The following NAALADL2 variants were observed in gnomAD, a reference collection of about 807,000 sequenced individuals.
The protein encoded by NAALADL2 is inactive N-acetylated-alpha-linked acidic dipeptidase-like protein 2.
A neutral mutation model predicts 87.2 loss-of-function variants in NAALADL2; 76 were observed. The ratio of observed to expected loss-of-function variants is 0.87; its 90% CI spans 0.72 to 1.05. The LOEUF (loss-of-function observed/expected upper bound fraction) is 1.05. Ranked by LOEUF, NAALADL2 falls within the 50% of genes least tolerant of loss-of-function variation. The probability of loss-of-function intolerance (pLI) is 0.00; values close to 1 mark genes in which losing one functional copy is unlikely to be tolerated. For missense variants in NAALADL2, 1,089 were observed against 945.8 expected (o/e 1.15, Z -1.99); for synonymous variants, 354 against 331.0 (o/e 1.07, Z -0.75).
intron 2 of NAALADL2, among the ~76,000 whole-genome samples, chr3:175,126,152 T>A (rs1312206885): frequency 6.6e-6 from 1 of 151,924 alleles, no homozygotes. Flanking sequence ...ACAAGAATAG[T>A]TTCTGGGGGG....
intron 4 of NAALADL2, among the ~76,000 whole-genome samples, chr3:175,292,593 TACACACACACAC>T (rs71164627): frequency 3.4e-5 from 5 of 145,268 alleles, no homozygotes; most frequent in Non-Finnish European, 6.0e-5. Flanking sequence ...TGAGTTGGGA[TACACACACACAC>T]ACACACACAC....
intron 11 of NAALADL2, among the ~76,000 whole-genome samples, chr3:175,629,804 T>C (rs1727509061): frequency 6.6e-6 from 1 of 151,792 alleles, no homozygotes; most frequent in Admixed American, 6.6e-5. Flanking sequence ...CCCGAACATA[T>C]GCAATTGTTC....
At chr3:175,058,172 A>C (rs1194713523) in intron 1 of NAALADL2, among the ~76,000 whole-genome samples, 3 of 152,230 alleles carry the variant, frequency 2.0e-5, no homozygotes, top group Non-Finnish European at 2.9e-5. Flanking sequence ...CAATTTTCTA[A>C]CCATTGTTAG....
At chr3:174,817,526 C>T (rs916622428) in intron 3 of NAALADL2, among the ~76,000 whole-genome samples, 2 of 152,066 alleles carry the variant, frequency 1.3e-5, no homozygotes, top group Non-Finnish European at 2.9e-5. Flanking sequence ...CACTTGAGCA[C>T]GGGAGTTCCA....
At chr3:175,177,501 G>T (rs1001944588) in intron 2 of NAALADL2, among the ~76,000 whole-genome samples, 2 of 152,052 alleles carry the variant, frequency 1.3e-5, no homozygotes, top group Admixed American at 1.3e-4. Context: ...TTATTGGAAT[G>T]AATTTGAAGA....
At chr3:174,964,256 A>G (rs1226937178) in intron 1 of NAALADL2, among the ~76,000 whole-genome samples, 1 of 152,078 alleles carries the variant, frequency 6.6e-6, no homozygotes, top group Non-Finnish European at 1.5e-5. Flanking sequence ...TAGAGCTTAC[A>G]TTTTAGTGGC....
intron 1 of NAALADL2, among the ~76,000 whole-genome samples, chr3:175,001,909 C>A (rs1748286665): frequency 6.6e-6 from 1 of 152,102 alleles, no homozygotes; most frequent in South Asian, 2.1e-4. Flanking sequence ...ATGCCTACAA[C>A]AGTTTCTTTA....
At chr3:174,730,821 T>C (rs114254853) in intron 2 of NAALADL2, among the ~76,000 whole-genome samples, 256 of 152,254 alleles carry the variant, frequency 1.7e-3, no homozygotes, top group African/African-American at 5.9e-3. Context: ...TTTAATGCTT[T>C]CCACTTATCA....
intron 3 of NAALADL2, among the ~76,000 whole-genome samples, chr3:174,806,052 G>A (rs1408304795): frequency 1.3e-5 from 2 of 152,156 alleles, no homozygotes; most frequent in Non-Finnish European, 2.9e-5. Flanking sequence ...ATTGTTTGAT[G>A]ATGACTATAC....
At chr3:175,076,322 CTTTT>C (rs57449665) in intron 1 of NAALADL2, among the ~76,000 whole-genome samples, 1 of 127,498 alleles carries the variant, frequency 7.8e-6, no homozygotes. Context: ...GTATTTCATG[CTTTT>C]TTTTTTTTTT....
intron 1 of NAALADL2, among the ~76,000 whole-genome samples, chr3:174,960,108 T>C (rs1279542598): frequency 1.3e-5 from 2 of 152,000 alleles, no homozygotes; most frequent in Non-Finnish European, 2.9e-5. Context: ...ACAAGGTCTA[T>C]TAGAAATGGC....
Position 174,935,416 on chromosome 3 carries a change from C to G in NAALADL2, c.43+75966C>G, listed in dbSNP as rs1737547106. ...CTGTGACCAATTAAAAAGAAAAAAA[C>G]AAAACAGACCTTAGAGATATACTGG... On this transcript the variant is annotated intron_variant, in intron 1 of 13. Transcript: ENST00000454872. Among the ~76,000 whole-genome samples the G allele has an allele frequency of 2.0e-5, 3 of 152,022 alleles. No homozygotes were observed. In the South Asian group the frequency reaches 6.2e-4, roughly 32 times the overall value.
At chr3:175,539,435 T>C (rs1428444583) in intron 9 of NAALADL2, among the ~76,000 whole-genome samples, 1 of 152,206 alleles carries the variant, frequency 6.6e-6, no homozygotes, top group Non-Finnish European at 1.5e-5. Context: ...AAAACTGGTA[T>C]TGTACAACAT....
At chr3:175,589,840 A>T (rs1721119628) in intron 10 of NAALADL2, among the ~76,000 whole-genome samples, 1 of 151,322 alleles carries the variant, frequency 6.6e-6, no homozygotes, top group Non-Finnish European at 1.5e-5. Flanking sequence ...ATGGTGGTAC[A>T]TTTAAAAACC....
intron 12 of NAALADL2, among the ~76,000 whole-genome samples, chr3:175,738,555 T>C (rs945094856): frequency 2.0e-5 from 3 of 152,166 alleles, no homozygotes; most frequent in Admixed American, 6.6e-5. Flanking sequence ...CCCCCTTTTT[T>C]TTTCTTTACC....
intron 1 of NAALADL2, among the ~76,000 whole-genome samples, chr3:175,030,836 T>A (rs754746243): frequency 6.6e-6 from 1 of 152,048 alleles, no homozygotes; most frequent in Non-Finnish European, 1.5e-5. Context: ...CATAATTGTT[T>A]ATGAACAGTT....
chr3:174,607,535 G>T (rs1477273833), intron 2 of NAALADL2, among the ~76,000 whole-genome samples: 1 of 149,782 alleles, frequency 6.7e-6, no homozygotes, highest in African/African-American at 2.5e-5. Flanking sequence ...TGATAAAACA[G>T]ACTTTAAACC....
chr3:174,447,983 A>G (rs1358863008), intron 1 of NAALADL2, among the ~76,000 whole-genome samples: 1 of 152,162 alleles, frequency 6.6e-6, no homozygotes, highest in Non-Finnish European at 1.5e-5. Flanking sequence ...TATTGCTGTT[A>G]TCTATCTGCT....
intron 9 of NAALADL2, among the ~76,000 whole-genome samples, chr3:175,572,409 CAA>C (rs80278132): frequency 0.2 from 19,419 of 97,066 alleles, 1,272 homozygotes; most frequent in Middle Eastern, 0.28. Context: ...GTTGGTTTAC[CAA>C]AAAAAAAAAA....
Sources: allele counts gnomAD v4.1 joint callset (sites outside exome capture counted in the v4.1 genomes callset), GRCh38; gene constraint gnomAD v4.1.1; transcripts MANE v1.5; gene names NCBI Gene and HGNC (gene_info 2026-07-23, HGNC 2026-07-21).